PHACTR4: variants seen among roughly 807,000 people sequenced by gnomAD.
The protein encoded by PHACTR4 is phosphatase and actin regulator 4.
A neutral mutation model predicts 72.7 loss-of-function variants in PHACTR4; 51 were observed. The ratio of observed to expected loss-of-function variants is 0.70; its 90% CI spans 0.56 to 0.89. The LOEUF (loss-of-function observed/expected upper bound fraction) is 0.89, where lower values mean the gene tolerates loss of function less well. PHACTR4 is among the 40% of genes least tolerant of loss of function. The pLI is 0.00. For missense variants in PHACTR4, 731 were observed against 861.8 expected, an observed-to-expected ratio of 0.85 and a Z score of 1.90; for synonymous variants, 255 against 302.5, an observed-to-expected ratio of 0.84 and a Z score of 1.63.
At chr1:28,401,670 GTCATAGCTCACTGTAACC>G (rs1423618112) in intron 1 of PHACTR4, among the ~76,000 whole-genome samples, 1 of 151,950 alleles carries the variant, frequency 6.6e-6, no homozygotes, top group Non-Finnish European at 1.5e-5. Flanking sequence ...CCGTGGTGCA[GTCATAGCTCACTGTAACC>G]TCAAATTTCT....
At chr1:28,453,762 A>T (rs1658154648) in intron 2 of PHACTR4, 1 of 1,050,592 alleles carries the variant, frequency 9.5e-7, no homozygotes, top group Non-Finnish European at 1.5e-6. Context: ...GAAATTAAAA[A>T]AAGAGGTTTC....
chr1:28,474,023 G>A lies in PHACTR4; in HGVS notation c.1293G>A (p.Met431Ile). ...AGGCCCTCACCAGCCCACTTCCCATGACTCCTATTCTGGAGGGTTCTCACA... is the reference window on the plus strand; with the variant it reads ...AGGCCCTCACCAGCCCACTTCCCATAACTCCTATTCTGGAGGGTTCTCACA... ...IQQALTSPLP[M>I]TPILEGSHRA... Residue 431 changes from methionine to isoleucine, a missense_variant, in exon 7 of 14, where the codon ATG becomes ATA. This residue lies in a region of PHACTR4 where 621 missense variants were observed against 676.6 expected (regional missense o/e 0.92). Transcript: ENST00000373839. 1 of 1,614,106 alleles carries A rather than the reference G, an allele frequency of 6.2e-7. No homozygotes were observed. The highest frequency in any genetic ancestry group is 8.5e-7 in the Non-Finnish European group (1 of 1,180,032).
intron 1 of PHACTR4, among the ~76,000 whole-genome samples, chr1:28,371,291 T>A (rs1031334817): frequency 6.6e-6 from 1 of 152,084 alleles, no homozygotes; most frequent in Middle Eastern, 3.4e-3. Context: ...TAATTTAATT[T>A]ATTTATATTT....
chr1:28,496,667 T>G lies in PHACTR4; in HGVS notation c.*118T>G. The G allele has an allele frequency of 3.4e-6, 4 of 1,191,334 alleles. No homozygotes were observed. The highest frequency in any genetic ancestry group is 3.7e-6 in the Non-Finnish European group (3 of 806,184). The allele number at this position is 1,191,334 out of a possible 1,614,324, so 73.8% of individuals were successfully genotyped here. On this transcript the variant is annotated 3_prime_UTR_variant, in exon 14 of 14. Coordinates refer to ENST00000373839, the MANE Select transcript of PHACTR4 (RefSeq NM_001048183.3). Reference sequence around the variant, plus strand: ...GCCAGAATTGCATCCTCTGGGATCTTCTGAGGTGGACAGCACTTTGAATGT... The same window carrying G: ...GCCAGAATTGCATCCTCTGGGATCTGCTGAGGTGGACAGCACTTTGAATGT...
chr1:28,446,861 C>A (rs1233772591), intron 2 of PHACTR4, among the ~76,000 whole-genome samples: 1 of 152,118 alleles, frequency 6.6e-6, no homozygotes, highest in Admixed American at 6.6e-5. Flanking sequence ...ACTCCCCCTT[C>A]ATCTTCCACC....
chr1:28,395,883 G>A (rs1159146059), intron 1 of PHACTR4, among the ~76,000 whole-genome samples: 2 of 111,140 alleles, frequency 1.8e-5, no homozygotes, highest in African/African-American at 4.4e-5. Flanking sequence ...GGATGGTCTC[G>A]ATCTCCTGAC....
At chr1:28,433,695 T>A (rs1656440034) in intron 2 of PHACTR4, among the ~76,000 whole-genome samples, 1 of 151,722 alleles carries the variant, frequency 6.6e-6, no homozygotes, top group African/African-American at 2.4e-5. Flanking sequence ...TGACCCCAGG[T>A]GATCCGCCCG....
intron 12 of PHACTR4, among the ~76,000 whole-genome samples, 174 bp downstream of exon 12, chr1:28,491,961 T>C (rs1661065755): frequency 1.3e-5 from 2 of 152,208 alleles, no homozygotes; most frequent in Admixed American, 1.3e-4. Context: ...AATGTTATAC[T>C]AACTCAGTAT....
intron 1 of PHACTR4, among the ~76,000 whole-genome samples, chr1:28,399,056 A>T (rs557926425): frequency 1.3e-5 from 2 of 152,186 alleles, no homozygotes; most frequent in African/African-American, 4.8e-5. Flanking sequence ...TCACATCTGT[A>T]ATCTCTGCAC....
intron 1 of PHACTR4, among the ~76,000 whole-genome samples, chr1:28,398,070 T>C (rs1025093445): frequency 1.3e-5 from 2 of 152,166 alleles, no homozygotes; most frequent in Admixed American, 1.3e-4. Flanking sequence ...TGTGTTTCTT[T>C]CACTGAACTG....
At chr1:28,377,960 G>T (rs914455324) in intron 1 of PHACTR4, among the ~76,000 whole-genome samples, 4 of 152,066 alleles carry the variant, frequency 2.6e-5, no homozygotes, top group African/African-American at 4.8e-5. Context: ...CACTTTGGGA[G>T]GCTGAGGCGG....
chr1:28,409,544 T>C (rs1200492133), intron 2 of PHACTR4, among the ~76,000 whole-genome samples: 1 of 152,216 alleles, frequency 6.6e-6, no homozygotes, highest in African/African-American at 2.4e-5. Context: ...TTTACTTGTT[T>C]AATTTCAGCG....
chr1:28,375,904 T>A (rs1651620762), intron 1 of PHACTR4, among the ~76,000 whole-genome samples: 1 of 151,994 alleles, frequency 6.6e-6, no homozygotes, highest in South Asian at 2.1e-4. Context: ...ACCCCGTCTC[T>A]ACTAAAAATA....
intron 1 of PHACTR4, among the ~76,000 whole-genome samples, chr1:28,378,220 G>C (rs983505917): frequency 1.1e-5 from 1 of 87,476 alleles, no homozygotes; most frequent in Non-Finnish European, 2.2e-5. Context: ...AAAAAAATTT[G>C]GCCAGGCGCA....
intron 2 of PHACTR4, among the ~76,000 whole-genome samples, chr1:28,410,028 G>T (rs918453052): frequency 7.7e-6 from 1 of 130,626 alleles, no homozygotes; most frequent in Non-Finnish European, 1.6e-5. Context: ...GTGCAGTGGG[G>T]TGATCTGGGC....
intron 2 of PHACTR4, among the ~76,000 whole-genome samples, chr1:28,408,055 G>A (rs1654483064): frequency 6.6e-6 from 1 of 152,264 alleles, no homozygotes; most frequent in African/African-American, 2.4e-5. Flanking sequence ...AGGAAGCAGA[G>A]GTTGCAGTGA....
chr1:28,394,737 C>A (rs1489671761), intron 1 of PHACTR4, among the ~76,000 whole-genome samples: 1 of 151,722 alleles, frequency 6.6e-6, no homozygotes. Flanking sequence ...GCTGGGATTA[C>A]AGGCATGTGC....
chr1:28,473,766 C>T lies in PHACTR4; in HGVS notation c.1036C>T (p.Pro346Ser), dbSNP rs373329656. 3.6e-5 allele frequency: 58 copies of T among 1,614,084 alleles called. No individual in the cohort carries two copies. The highest frequency in any genetic ancestry group is 3.5e-4 in the African/African-American group (26 of 74,998). Residue 346 changes from proline to serine, a missense_variant, in exon 7 of 14, where the codon CCA (proline) becomes TCA (serine). By Grantham distance (74) the Pro-to-Ser change is moderately conservative (BLOSUM62 -1). Transcript: ENST00000373839. ...PMISPRSPSP[P>S]LPTHIPPEPP... ...GATCTCACCTCGCTCTCCGTCCCCC[C>T]CACTGCCTACTCATATACCTCCAGA...
At chr1:28,402,581 G>A (rs1218628251) in intron 1 of PHACTR4, among the ~76,000 whole-genome samples, 1 of 152,084 alleles carries the variant, frequency 6.6e-6, no homozygotes, top group Non-Finnish European at 1.5e-5. Flanking sequence ...GTGAGACCCC[G>A]TCTCTACAAA....
Sources: allele counts gnomAD v4.1 joint callset (sites outside exome capture counted in the v4.1 genomes callset), GRCh38; gene constraint gnomAD v4.1.1; regional missense constraint gnomAD v4.1.1; transcripts MANE v1.5; gene names NCBI Gene and HGNC (gene_info 2026-07-23, HGNC 2026-07-21).